EFR3A: variants seen among roughly 807,000 people sequenced by gnomAD.
The protein encoded by EFR3A is protein EFR3 homolog A.
Under a neutral mutation model 104.4 loss-of-function variants are expected in EFR3A, and 76 were observed. The ratio of observed to expected loss-of-function variants is 0.73; its 90% CI spans 0.60 to 0.88. The LOEUF (loss-of-function observed/expected upper bound fraction) is 0.88, where lower values mean the gene tolerates loss of function less well. EFR3A is among the 40% of genes least tolerant of loss of function. The pLI, the probability that EFR3A is intolerant of heterozygous loss-of-function variation, is 0.00. For synonymous variants in EFR3A, 330 were observed against 330.0 expected, an observed-to-expected ratio of 1.00 and a Z score of 0.00; for missense variants, 985 against 1,012.5, an observed-to-expected ratio of 0.97 and a Z score of 0.37.
chr8:131,965,631 A>G (rs1383660277), intron 8 of EFR3A, among the ~76,000 whole-genome samples: 2 of 152,214 alleles, frequency 1.3e-5, no homozygotes, highest in Non-Finnish European at 2.9e-5. Flanking sequence ...AACTAGTTCA[A>G]CCATTGTGGA....
chr8:131,986,931 G>T (rs933191610), intron 17 of EFR3A, among the ~76,000 whole-genome samples: 1 of 151,920 alleles, frequency 6.6e-6, no homozygotes, highest in African/African-American at 2.4e-5. Context: ...TGTTGAAGAC[G>T]TTCAGTAATA....
intron 2 of EFR3A, among the ~76,000 whole-genome samples, chr8:131,943,291 A>G (rs1586576847): frequency 1.3e-5 from 2 of 152,116 alleles, no homozygotes; most frequent in African/African-American, 4.8e-5. Context: ...TCACAGATGT[A>G]TACAACTGTC....
chr8:131,915,407 TC>T (rs1165457500), intron 1 of EFR3A, among the ~76,000 whole-genome samples: 25 of 152,342 alleles, frequency 1.6e-4, no homozygotes, highest in African/African-American at 6.0e-4. Flanking sequence ...AAGTGTTCTT[TC>T]AATTTTTCTT....
chr8:131,996,958 A>G (rs1253665164), intron 19 of EFR3A, among the ~76,000 whole-genome samples: 1 of 152,112 alleles, frequency 6.6e-6, no homozygotes, highest in Non-Finnish European at 1.5e-5. Flanking sequence ...TGCATCTATA[A>G]GGGAAAATGT....
intron 18 of EFR3A, among the ~76,000 whole-genome samples, chr8:131,988,763 C>T (rs1821022398): frequency 6.6e-6 from 1 of 152,076 alleles, no homozygotes; most frequent in Admixed American, 6.6e-5. Context: ...GTCAGTTTGG[C>T]CTGCCTTTTC....
At chr8:131,979,087 AT>A (rs1252780284) in intron 13 of EFR3A, 68 bp downstream of exon 13, 2 of 1,417,948 alleles carry the variant, frequency 1.4e-6, no homozygotes, top group South Asian at 1.5e-5. Context: ...GTATTTAAGT[AT>A]TGTGATTTTT....
At chr8:131,981,561 GT>G (rs1820613522) in intron 14 of EFR3A, among the ~76,000 whole-genome samples, 1 of 151,854 alleles carries the variant, frequency 6.6e-6, no homozygotes, top group African/African-American at 2.4e-5. Context: ...TAAAAATGTT[GT>G]TTGATTTTCA....
intron 4 of EFR3A, among the ~76,000 whole-genome samples, chr8:131,947,817 A>G (rs1295949224): frequency 6.6e-6 from 1 of 152,024 alleles, no homozygotes; most frequent in African/African-American, 2.4e-5. Context: ...TTCCCTTTGA[A>G]TGGTCTTGGC....
chr8:131,974,829 G>A (rs1820240699), intron 10 of EFR3A, among the ~76,000 whole-genome samples: 1 of 152,152 alleles, frequency 6.6e-6, no homozygotes, highest in Non-Finnish European at 1.5e-5. Flanking sequence ...ATGATGAATA[G>A]AACAGTTTGA....
chr8:131,976,144 A>G lies in EFR3A; in HGVS notation c.1274+3A>G. 1 of 1,512,052 alleles carries G rather than the reference A, an allele frequency of 6.6e-7. No individual in the cohort carries two copies. Among genetic ancestry groups the G allele is most frequent in the Non-Finnish European group, 9.1e-7 (1 of 1,097,394 alleles). The allele number at this position is 1,512,052 out of a possible 1,614,324, so 93.7% of individuals were successfully genotyped here. ...ACTTTGGATATCAGTCAACTAGGGT[A>G]TGTTCTCAGACTGTAAATTTGAACT... On this transcript the variant is annotated splice_donor_region_variant and intron_variant, in intron 11 of 22. Transcript: ENST00000254624.
chr8:131,975,657 C>A (rs1038573087), intron 10 of EFR3A, among the ~76,000 whole-genome samples: 5 of 152,050 alleles, frequency 3.3e-5, no homozygotes, highest in Non-Finnish European at 7.4e-5. Flanking sequence ...CTCAGGTGAT[C>A]CGCACACCTC....
At chr8:131,936,672 A>G (rs1309749925) in intron 1 of EFR3A, among the ~76,000 whole-genome samples, 2 of 152,138 alleles carry the variant, frequency 1.3e-5, no homozygotes, top group African/African-American at 4.8e-5. Context: ...AGTGGCTCAC[A>G]GAACTTAGGG....
intron 12 of EFR3A, among the ~76,000 whole-genome samples, chr8:131,977,308 A>G (rs961509610): frequency 2.6e-5 from 4 of 152,170 alleles, no homozygotes; most frequent in Admixed American, 6.5e-5. Context: ...GATGAAACAT[A>G]CAGAGGGCAG....
intron 7 of EFR3A, among the ~76,000 whole-genome samples, chr8:131,958,115 A>G (rs1819116818): frequency 6.6e-6 from 1 of 152,190 alleles, no homozygotes; most frequent in African/African-American, 2.4e-5. Flanking sequence ...GCATATGCGA[A>G]CTATAAGTAA....
intron 1 of EFR3A, among the ~76,000 whole-genome samples, chr8:131,916,882 C>T (rs1402729841): frequency 6.6e-6 from 1 of 152,084 alleles, no homozygotes; most frequent in Non-Finnish European, 1.5e-5. Context: ...GACTTAAGAA[C>T]AATTGTTGTG....
chr8:131,987,508 T>G lies in EFR3A; in HGVS notation c.1938-67T>G, dbSNP rs1820945727. 2.7e-6 allele frequency: 4 copies of G among 1,485,316 alleles called. No individual in the cohort carries two copies. In the Admixed American group the frequency reaches 7.5e-5, roughly 28 times the overall value. 92.0% of individuals were successfully genotyped at this position (1,485,316 alleles called of 1,614,324 possible). ...TTGAGGCTTTTGCTCTGGAATGTTT[T>G]GCATAGTAACTTATTTTTGCTCAGT... On this transcript the variant is annotated intron_variant, in intron 17 of 22. Transcript: ENST00000254624.
chr8:131,966,028 A>T (rs1287255119), intron 8 of EFR3A, among the ~76,000 whole-genome samples: 1 of 152,036 alleles, frequency 6.6e-6, no homozygotes, highest in Admixed American at 6.6e-5. Context: ...ACATGGACAC[A>T]GGAAGGGGAA....
intron 1 of EFR3A, among the ~76,000 whole-genome samples, chr8:131,929,930 T>C (rs190161324): frequency 1.3e-5 from 2 of 152,136 alleles, no homozygotes; most frequent in Admixed American, 6.6e-5. Flanking sequence ...GTCTTTCTGT[T>C]ACTTTTCCTC....
chr8:131,916,881 A>G (rs1405397952), intron 1 of EFR3A, among the ~76,000 whole-genome samples: 1 of 152,230 alleles, frequency 6.6e-6, no homozygotes, highest in Non-Finnish European at 1.5e-5. Flanking sequence ...GGACTTAAGA[A>G]CAATTGTTGT....
Sources: gnomAD v4.1 joint callset for allele counts (sites outside exome capture counted in the v4.1 genomes callset) on GRCh38, gnomAD v4.1.1 for gene constraint, MANE v1.5 for transcripts, NCBI Gene and HGNC (gene_info 2026-07-23, HGNC 2026-07-21) for gene names.